The following TCP11L1 variants were observed in gnomAD, a reference collection of about 807,000 sequenced individuals.
TCP11L1 encodes t-complex 11 like 1.
Under a neutral mutation model 48.9 loss-of-function variants are expected in TCP11L1, and 28 were observed. The observed-to-expected ratio is 0.57, with a 90% CI of 0.42 to 0.78. The LOEUF is 0.78. Among genes scored for constraint, TCP11L1 ranks in the 30% least tolerant of loss-of-function variants. The pLI, the probability that TCP11L1 is intolerant of heterozygous loss-of-function variation, is 0.00. For missense variants in TCP11L1, 505 were observed against 613.4 expected, an observed-to-expected ratio of 0.82 and a Z score of 1.87; for synonymous variants, 204 against 231.9, an observed-to-expected ratio of 0.88 and a Z score of 1.09.
chr11:33,071,801 A>G (rs1854798070), intron 9 of TCP11L1, among the ~76,000 whole-genome samples: 2 of 152,186 alleles, frequency 1.3e-5, no homozygotes, highest in African/African-American at 2.4e-5. Flanking sequence ...AGAGCAGAGC[A>G]TGTCTCCAGT....
At chr11:33,057,739 TA>T (rs1327148313) in intron 4 of TCP11L1, among the ~76,000 whole-genome samples, 179 bp from the exon 5 acceptor site, 3 of 152,250 alleles carry the variant, frequency 2.0e-5, no homozygotes, top group Non-Finnish European at 2.9e-5. Flanking sequence ...AATGGAAGCT[TA>T]AGTAGCTATT....
intron 8 of TCP11L1, 79 bp downstream of exon 8, chr11:33,066,090 C>T: frequency 1.3e-6 from 2 of 1,551,692 alleles, no homozygotes; most frequent in South Asian, 1.2e-5. Flanking sequence ...GGGTCTCCCA[C>T]TGTAAGGCAG....
intron 2 of TCP11L1, 105 bp downstream of exon 2, chr11:33,044,041 A>G (rs1339561181): frequency 1.2e-5 from 14 of 1,165,074 alleles, no homozygotes; most frequent in African/African-American, 1.6e-5. Context: ...TTCTAATAAT[A>G]TAACATTGCC....
chr11:33,054,030 T>G (rs1854240799), intron 2 of TCP11L1, among the ~76,000 whole-genome samples: 1 of 152,048 alleles, frequency 6.6e-6, no homozygotes, highest in South Asian at 2.1e-4. Context: ...GTGCCCAGGC[T>G]GGTCTCCAAC....
intron 8 of TCP11L1, 133 bp downstream of exon 8, chr11:33,066,144 C>CT: frequency 8.3e-7 from 1 of 1,204,504 alleles, no homozygotes; most frequent in Non-Finnish European, 1.2e-6. Flanking sequence ...ACCTTGCTGT[C>CT]TCAGTTGGTT....
intron 7 of TCP11L1, among the ~76,000 whole-genome samples, chr11:33,063,079 G>A (rs1590237320): frequency 6.6e-6 from 1 of 152,248 alleles, no homozygotes; most frequent in East Asian, 1.9e-4. Flanking sequence ...TACTCAGGCT[G>A]ATCTTAAACT....
chr11:33,064,540 T>C (rs1052082156), intron 7 of TCP11L1, among the ~76,000 whole-genome samples: 6 of 151,754 alleles, frequency 4.0e-5, no homozygotes, highest in Non-Finnish European at 7.4e-5. Context: ...GGCGCTGGCA[T>C]GGTAGGACCC....
chr11:33,054,373 C>T (rs1854249965), intron 2 of TCP11L1, among the ~76,000 whole-genome samples: 1 of 152,020 alleles, frequency 6.6e-6, no homozygotes, highest in Non-Finnish European at 1.5e-5. Context: ...TAGTAAAAAC[C>T]AGATGTTTTG....
At chr11:33,060,257 G>A (rs1311321259) in intron 6 of TCP11L1, among the ~76,000 whole-genome samples, 1 of 152,206 alleles carries the variant, frequency 6.6e-6, no homozygotes, top group Admixed American at 6.5e-5. Flanking sequence ...GGAAGCTGGG[G>A]CATAGTGGAG....
At chr11:33,054,259 G>A (rs1172480919) in intron 2 of TCP11L1, among the ~76,000 whole-genome samples, 1 of 151,496 alleles carries the variant, frequency 6.6e-6, no homozygotes, top group Non-Finnish European at 1.5e-5. Flanking sequence ...ACAGGAGGCA[G>A]AAAGACTAGA....
intron 1 of TCP11L1, among the ~76,000 whole-genome samples, chr11:33,042,666 C>G (rs1314087903): frequency 6.6e-6 from 1 of 152,216 alleles, no homozygotes; most frequent in Non-Finnish European, 1.5e-5. Context: ...GGCGCAGTGG[C>G]TCATGGCTGT....
intron 9 of TCP11L1, among the ~76,000 whole-genome samples, chr11:33,070,675 A>C (rs1348269565): frequency 7.0e-6 from 1 of 142,090 alleles, no homozygotes; most frequent in Non-Finnish European, 1.5e-5. Context: ...ATAAGAGCTA[A>C]AGTCTGTCTC....
At chr11:33,058,394 T>G (rs1854374566) in intron 5 of TCP11L1, among the ~76,000 whole-genome samples, 1 of 152,114 alleles carries the variant, frequency 6.6e-6, no homozygotes, top group Non-Finnish European at 1.5e-5. Context: ...AGATGGTGTT[T>G]CACTACGTTG....
At chr11:33,061,475 C>T (rs1418922506) in intron 6 of TCP11L1, 55 bp from the exon 7 acceptor site, 14 of 1,487,772 alleles carry the variant, frequency 9.4e-6, no homozygotes, top group South Asian at 5.7e-5. Context: ...TAAGTAATTC[C>T]GAGAAGCATC....
At chr11:33,060,234 A>C (rs1854429919) in intron 6 of TCP11L1, among the ~76,000 whole-genome samples, 2 of 152,138 alleles carry the variant, frequency 1.3e-5, no homozygotes, top group African/African-American at 2.4e-5. Flanking sequence ...CCGTAATATT[A>C]AGGCCTGGAC....
chr11:33,063,475 T>C (rs1854523299), intron 7 of TCP11L1, among the ~76,000 whole-genome samples: 1 of 152,226 alleles, frequency 6.6e-6, no homozygotes, highest in Non-Finnish European at 1.5e-5. Flanking sequence ...CTGCTGAATT[T>C]TTCTCCTGTT....
intron 9 of TCP11L1, among the ~76,000 whole-genome samples, chr11:33,070,874 T>A (rs527320723): frequency 6.7e-6 from 1 of 148,722 alleles, no homozygotes; most frequent in East Asian, 2.0e-4. Context: ...TGGTGGCGTG[T>A]GCCTGTAATC....
At chr11:33,067,562 C>T (rs954129298) in intron 8 of TCP11L1, among the ~76,000 whole-genome samples, 1 of 152,204 alleles carries the variant, frequency 6.6e-6, no homozygotes, top group African/African-American at 2.4e-5. Flanking sequence ...TCACCTAGGT[C>T]CCCTGCCTGG....
At chr11:33,042,466 C>T (rs754623280) in intron 1 of TCP11L1, among the ~76,000 whole-genome samples, 3 of 150,696 alleles carry the variant, frequency 2.0e-5, no homozygotes, top group Non-Finnish European at 3.0e-5. Context: ...ATTAACTGCT[C>T]CAAAGCACAG....
Sources: allele counts gnomAD v4.1 joint callset (sites outside exome capture counted in the v4.1 genomes callset), GRCh38; gene constraint gnomAD v4.1.1; transcripts MANE v1.5; gene names NCBI Gene and HGNC (gene_info 2026-07-23, HGNC 2026-07-21).